Variants in EBF2 observed in about 807,000 individuals in gnomAD.
The protein encoded by EBF2 is EBF transcription factor 2.
A neutral mutation model predicts 72.8 loss-of-function variants in EBF2; 21 were observed. That is an observed-to-expected ratio of 0.29 (90% CI 0.20 to 0.42). The LOEUF is 0.42. EBF2 is among the 10% of genes least tolerant of loss of function. The pLI is 1.00. For missense variants in EBF2, 637 were observed against 731.2 expected, an observed-to-expected ratio of 0.87 and a Z score of 1.49; for synonymous variants, 299 against 274.2, an observed-to-expected ratio of 1.09 and a Z score of -0.89.
At chr8:25,928,781 TGA>T (rs1491530020) in intron 6 of EBF2, among the ~76,000 whole-genome samples, 10 of 10,068 alleles carry the variant, frequency 9.9e-4, no homozygotes, top group African/African-American at 3.2e-3. Flanking sequence ...GATTTTTAAA[TGA>T]AAAAAAAAAA....
chr8:25,923,350 A>G (rs1803335725), intron 6 of EBF2, among the ~76,000 whole-genome samples: 2 of 152,224 alleles, frequency 1.3e-5, no homozygotes, highest in African/African-American at 2.4e-5. Flanking sequence ...AATTGAAGCT[A>G]CAATTCCACC....
intron 7 of EBF2, among the ~76,000 whole-genome samples, chr8:25,901,246 A>C (rs1405939684): frequency 6.6e-6 from 1 of 151,952 alleles, no homozygotes; most frequent in Non-Finnish European, 1.5e-5. Flanking sequence ...ATGTGGCAAA[A>C]CCCCGTCTCG....
At chr8:25,931,825 A>G (rs1803486500) in intron 6 of EBF2, among the ~76,000 whole-genome samples, 1 of 152,244 alleles carries the variant, frequency 6.6e-6, no homozygotes, top group Non-Finnish European at 1.5e-5. Context: ...CCCATCGGCT[A>G]CACAAACATA....
chr8:25,881,350 G>T (rs1169431368), intron 10 of EBF2, among the ~76,000 whole-genome samples: 2 of 152,118 alleles, frequency 1.3e-5, no homozygotes, highest in African/African-American at 4.8e-5. Context: ...CCATGTTCTT[G>T]TCTACCCCAG....
intron 13 of EBF2, 101 bp from the exon 14 acceptor site, chr8:25,858,605 A>C (rs562775227): frequency 3.8e-6 from 4 of 1,061,580 alleles, no homozygotes; most frequent in East Asian, 2.9e-5. Context: ...GCAGAATGTC[A>C]CCAGCTGCCC....
At chr8:25,991,153 T>G (rs1804539419) in intron 6 of EBF2, among the ~76,000 whole-genome samples, 1 of 152,250 alleles carries the variant, frequency 6.6e-6, no homozygotes, top group Admixed American at 6.5e-5. Flanking sequence ...CAAACTCTTC[T>G]GCCATCATTT....
chr8:25,904,237 A>AAAAAG (rs1315258054), intron 7 of EBF2, among the ~76,000 whole-genome samples: 3 of 148,616 alleles, frequency 2.0e-5, no homozygotes, highest in Non-Finnish European at 4.5e-5. Flanking sequence ...GTCTGGGCCA[A>AAAAAG]AAAAAAAAAA....
At position 26,021,349 on chromosome 8, in the gene EBF2, T is replaced by C. The variant is rs531163717; in HGVS notation, c.551+11736A>G. 2.0e-5 allele frequency among the ~76,000 whole-genome samples: 3 copies of C among 152,318 alleles called. No homozygotes were observed. The South Asian group carries it at 6.2e-4, about 32-fold the overall frequency. On this transcript the variant is annotated intron_variant, in intron 6 of 15. Transcript: ENST00000520164. Reference sequence around the variant, plus strand: ...TCCTACGTGTGAATCAGCTTCTGTATAGATCAGAAGGCAAAGGTTATGAGC... The same window carrying C: ...TCCTACGTGTGAATCAGCTTCTGTACAGATCAGAAGGCAAAGGTTATGAGC...
intron 6 of EBF2, among the ~76,000 whole-genome samples, chr8:26,014,889 C>G (rs1348764617): frequency 6.6e-6 from 1 of 152,194 alleles, no homozygotes; most frequent in Non-Finnish European, 1.5e-5. Context: ...CTAAACAAAT[C>G]TGGGAAAGCG....
rs1229372653 is a variant in EBF2 at position 26,042,179 on chromosome 8, G to A, written c.204C>T (p.His68=). Residue 68 remains histidine (H), a synonymous_variant, in exon 2 of 16, where the codon CAC becomes CAT. Coordinates refer to ENST00000520164, the MANE Select transcript of EBF2 (RefSeq NM_022659.4). ...PSNLRKSNFF[H]FVLALYDRQG... ...GCCTGTCATAGAGCGCCAGGACGAA[G>A]TGAAAGAAGTTGGATTTCCTCAAGT... The A allele has an allele frequency of 5.6e-6, 9 of 1,614,176 alleles. No individual in the cohort carries two copies. In the South Asian group the frequency reaches 9.9e-5, roughly 18 times the overall value.
intron 6 of EBF2, among the ~76,000 whole-genome samples, chr8:26,022,902 G>T (rs1027996871): frequency 6.6e-6 from 1 of 152,168 alleles, no homozygotes; most frequent in African/African-American, 2.4e-5. Context: ...CTGATCAAAT[G>T]TCCCCTCCAG....
At chr8:25,984,498 G>A (rs767468356) in intron 6 of EBF2, among the ~76,000 whole-genome samples, 1 of 152,176 alleles carries the variant, frequency 6.6e-6, no homozygotes, top group African/African-American at 2.4e-5. Flanking sequence ...GCTGGTCAAT[G>A]TGGAGAAACC....
chr8:25,899,991 A>G (rs886299209), intron 7 of EBF2, among the ~76,000 whole-genome samples: 1 of 152,104 alleles, frequency 6.6e-6, no homozygotes, highest in Non-Finnish European at 1.5e-5. Flanking sequence ...GGCCTGGCAG[A>G]TGCGCCAGGT....
At chr8:25,907,506 C>T (rs1585191074) in intron 7 of EBF2, among the ~76,000 whole-genome samples, 1 of 145,896 alleles carries the variant, frequency 6.9e-6, no homozygotes, top group Non-Finnish European at 1.5e-5. Context: ...GCAGCTGCAA[C>T]GTGTCGCATG....
chr8:25,848,615 A>T (rs1801891200), intron 15 of EBF2, among the ~76,000 whole-genome samples: 1 of 152,136 alleles, frequency 6.6e-6, no homozygotes, highest in Non-Finnish European at 1.5e-5. Flanking sequence ...AATAGAGAAG[A>T]TCTGAGACAA....
chr8:25,997,197 G>A (rs1324008342), intron 6 of EBF2, among the ~76,000 whole-genome samples: 3 of 152,006 alleles, frequency 2.0e-5, no homozygotes, highest in Non-Finnish European at 4.4e-5. Flanking sequence ...TCATGCTATG[G>A]TTTCATTCCA....
At chr8:25,979,243 C>A (rs1804318973) in intron 6 of EBF2, among the ~76,000 whole-genome samples, 1 of 152,216 alleles carries the variant, frequency 6.6e-6, no homozygotes. Context: ...TTTGGGCAGG[C>A]TGCCAGGGGT....
chr8:25,893,833 A>T (rs1304062566), intron 7 of EBF2, among the ~76,000 whole-genome samples: 1 of 152,228 alleles, frequency 6.6e-6, no homozygotes, highest in Admixed American at 6.5e-5. Flanking sequence ...TTCCCGAATG[A>T]CATACCCTGA....
intron 13 of EBF2, among the ~76,000 whole-genome samples, chr8:25,860,612 C>A (rs1042667633): frequency 6.6e-6 from 1 of 151,924 alleles, no homozygotes; most frequent in Admixed American, 6.6e-5. Flanking sequence ...ACTGCAGCCT[C>A]GACTTCCCAG....
Sources: gnomAD v4.1 joint callset for allele counts (sites outside exome capture counted in the v4.1 genomes callset) on GRCh38, gnomAD v4.1.1 for gene constraint, MANE v1.5 for transcripts, NCBI Gene and HGNC (gene_info 2026-07-23, HGNC 2026-07-21) for gene names.